Variants in BTBD8 observed in about 807,000 individuals in gnomAD.
BTBD8 encodes the protein BTB domain containing 8.
BTBD8 carries 110 observed loss-of-function variants against 162.9 expected under a neutral mutation model. The ratio of observed to expected loss-of-function variants is 0.68; its 90% CI spans 0.58 to 0.79. The LOEUF (loss-of-function observed/expected upper bound fraction) is 0.79, where lower values mean the gene tolerates loss of function less well. Ranked by LOEUF, BTBD8 falls within the 30% of genes least tolerant of loss-of-function variation. The probability of loss-of-function intolerance (pLI) is 0.00; values close to 1 mark genes in which losing one functional copy is unlikely to be tolerated. For missense variants in BTBD8, 1,905 were observed against 2,085.4 expected, an observed-to-expected ratio of 0.91 and a Z score of 1.68; for synonymous variants, 667 against 716.1, an observed-to-expected ratio of 0.93 and a Z score of 1.10.
chr1:92,152,043 A>G (rs552651907), intron 9 of BTBD8, among the ~76,000 whole-genome samples: 2 of 152,306 alleles, frequency 1.3e-5, no homozygotes, highest in South Asian at 4.1e-4. Context: ...TACTTCACAT[A>G]TGAGAAAAGA....
intron 11 of BTBD8, 59 bp from the exon 12 acceptor site, chr1:92,168,807 T>C: frequency 7.0e-7 from 1 of 1,428,132 alleles, no homozygotes; most frequent in Non-Finnish European, 9.4e-7. Flanking sequence ...AAAGGAATAA[T>C]GACTGGTTGC....
At chr1:92,101,385 C>T (rs928895764) in intron 2 of BTBD8, among the ~76,000 whole-genome samples, 1 of 152,206 alleles carries the variant, frequency 6.6e-6, no homozygotes, top group African/African-American at 2.4e-5. Flanking sequence ...AAAGTAATGC[C>T]TTCCAAGCAA....
At chr1:92,169,019 A>G (rs1318482056) in intron 12 of BTBD8, 24 bp downstream of exon 12, 8 of 1,507,824 alleles carry the variant, frequency 5.3e-6, no homozygotes, top group Non-Finnish European at 7.2e-6. Context: ...GAGATATTTC[A>G]ATTCTTATGT....
chr1:92,082,640 C>T (rs758314902), intron 1 of BTBD8, among the ~76,000 whole-genome samples: 8 of 152,066 alleles, frequency 5.3e-5, no homozygotes, highest in Non-Finnish European at 7.4e-5. Context: ...GAAAGCAAGT[C>T]GTATTAGACT....
intron 2 of BTBD8, among the ~76,000 whole-genome samples, chr1:92,090,336 C>T (rs192744457): frequency 6.6e-6 from 1 of 152,134 alleles, no homozygotes; most frequent in Non-Finnish European, 1.5e-5. Flanking sequence ...TTATTACCCT[C>T]CTTGTGGATG....
intron 2 of BTBD8, among the ~76,000 whole-genome samples, chr1:92,099,845 A>G (rs767083607): frequency 1.4e-4 from 21 of 152,182 alleles, no homozygotes; most frequent in Non-Finnish European, 2.1e-4. Flanking sequence ...TTTACCGTGT[A>G]GATGCCTTTT....
chr1:92,103,218 G>A (rs1435031439), intron 3 of BTBD8, among the ~76,000 whole-genome samples: 2 of 152,152 alleles, frequency 1.3e-5, no homozygotes, highest in Non-Finnish European at 2.9e-5. Flanking sequence ...TGTTAGAGCG[G>A]AATTGATTAT....
At chr1:92,128,153 G>T (rs375139148) in intron 4 of BTBD8, among the ~76,000 whole-genome samples, 3 of 151,510 alleles carry the variant, frequency 2.0e-5, no homozygotes, top group East Asian at 3.9e-4. Flanking sequence ...TTTCGCTCTT[G>T]TTGCCCAGGC....
chr1:92,142,133 C>A (rs1234971152), intron 7 of BTBD8, among the ~76,000 whole-genome samples: 2 of 152,182 alleles, frequency 1.3e-5, no homozygotes, highest in Admixed American at 1.3e-4. Flanking sequence ...GTTAACCCCT[C>A]GGCTTCCTTT....
chr1:92,123,031 T>A (rs1301262725), intron 4 of BTBD8, among the ~76,000 whole-genome samples: 1 of 152,246 alleles, frequency 6.6e-6, no homozygotes, highest in South Asian at 2.1e-4. Flanking sequence ...GTATATGGTG[T>A]GAGGCAAGTG....
rs199930101 is a variant in BTBD8, at chr1:92,182,136, T to C, written c.4453T>C (p.Tyr1485His). Residue 1485 changes from tyrosine to histidine, a missense_variant, in exon 17 of 18, where the codon TAT (tyrosine) becomes CAT (histidine). Physicochemically the swap from Tyr to His is moderately conservative, Grantham distance 83. This residue lies in a region of BTBD8 where 517 missense variants were observed against 606.6 expected (regional missense o/e 0.85). Coordinates refer to ENST00000636805, the MANE Select transcript of BTBD8 (RefSeq NM_001376131.1). ...ISHEHHGRTC[Y>H]SRFSRESEDN... ...TCATGAACATCATGGAAGGACCTGC[T>C]ATTCCAGATTCTCACGAGAAAGTGA... 89 of 1,551,246 alleles carry C rather than the reference T, an allele frequency of 5.7e-5. No individual in the cohort carries two copies. In the African/African-American group the frequency reaches 1.1e-3, roughly 20 times the overall value.
intron 12 of BTBD8, among the ~76,000 whole-genome samples, chr1:92,169,381 T>C (rs1335057916): frequency 1.3e-5 from 2 of 152,212 alleles, no homozygotes; most frequent in Admixed American, 6.5e-5. Context: ...TTTCCATCTT[T>C]TTCATAAGAC....
At position 92,167,122 on chromosome 1, in the gene BTBD8, T is replaced by C. The variant is rs1650404781; in HGVS notation, c.1287T>C (p.Asn429=). Residue 429 remains asparagine (N), a synonymous_variant, in exon 10 of 18, where the codon AAT becomes AAC. Coordinates refer to ENST00000636805, the MANE Select transcript of BTBD8 (RefSeq NM_001376131.1). ...TCTCCAAGATTATTCAGAGTGAAAATTTTGCTCTTCTTTTACAGGTACTAT... is the reference window on the plus strand; with the variant it reads ...TCTCCAAGATTATTCAGAGTGAAAACTTTGCTCTTCTTTTACAGGTACTAT... ...DNFSKIIQSE[N]FALLLQSQAM... 2 of 1,550,504 alleles carry C rather than the reference T, an allele frequency of 1.3e-6. No individual in the cohort carries two copies. The highest frequency in any genetic ancestry group is 1.7e-6 in the Non-Finnish European group (2 of 1,146,964).
At chr1:92,105,502 C>T (rs949788633) in intron 3 of BTBD8, among the ~76,000 whole-genome samples, 21 of 152,300 alleles carry the variant, frequency 1.4e-4, no homozygotes, top group African/African-American at 4.8e-4. Flanking sequence ...GTCCACCCGC[C>T]TCAGCCTCCC....
chr1:92,165,134 AAG>A (rs1491391460), intron 9 of BTBD8, among the ~76,000 whole-genome samples: 12 of 149,728 alleles, frequency 8.0e-5, no homozygotes, highest in African/African-American at 2.8e-4. Flanking sequence ...AAAAAAAAAA[AAG>A]AATTATTAGT....
chr1:92,082,272 C>T (rs1264268652), intron 1 of BTBD8, among the ~76,000 whole-genome samples: 1 of 152,120 alleles, frequency 6.6e-6, no homozygotes, highest in South Asian at 2.1e-4. Flanking sequence ...AAATGCTATA[C>T]TAAATTAATT....
In BTBD8 at chr1:92,140,270, C is replaced by A. The variant is rs200874685; in HGVS notation, c.833+840C>A. Among the ~76,000 whole-genome samples, 89 of 138,824 alleles carry A rather than the reference C, an allele frequency of 6.4e-4. 1 individual carries two copies. Among genetic ancestry groups the A allele is most frequent in the South Asian group, 5.3e-3 (23 of 4,332 alleles). 91.1% of individuals were successfully genotyped at this position (138,824 alleles called of 152,430 possible). On this transcript the variant is annotated intron_variant, in intron 6 of 17. Transcript: ENST00000636805. ...ACCCGGTTCTTGGGGGAAAAAAAAA[C>A]CAAAAAGAATATAGGGCATCCTAAA...
intron 4 of BTBD8, chr1:92,126,406 A>G (rs774190572): frequency 3.5e-6 from 3 of 857,522 alleles, no homozygotes; most frequent in Non-Finnish European, 5.5e-6. Context: ...GCTCTTGCCC[A>G]GGCTCAGACC....
chr1:92,177,144 GA>G lies in BTBD8; in HGVS notation c.1955del (p.Asn652ThrfsTer8). ...KTENGDKARL[E>X]NMSPRQVVER... ...AGAAAATGGTGATAAGGCACGGTTG[GA>G]AAACATGTCACCTAGACAAGTTGTA... is the stretch of plus-strand genomic sequence containing the variant. On this transcript the variant is annotated frameshift_variant, in exon 14 of 18. Transcript: ENST00000636805. LOFTEE classifies it high-confidence loss of function. The G allele has an allele frequency of 1.3e-6, 2 of 1,551,742 alleles. No homozygotes were observed. The highest frequency in any genetic ancestry group is 8.7e-7 in the Non-Finnish European group (1 of 1,147,006).
Sources: gnomAD v4.1 joint callset for allele counts (sites outside exome capture counted in the v4.1 genomes callset) on GRCh38, gnomAD v4.1.1 for gene constraint, gnomAD v4.1.1 regional missense constraint, MANE v1.5 for transcripts, NCBI Gene and HGNC (gene_info 2026-07-23, HGNC 2026-07-21) for gene names.